SFRP1: variants seen among roughly 807,000 people sequenced by gnomAD.
The protein encoded by SFRP1 is secreted frizzled related protein 1.
SFRP1 carries 9 observed loss-of-function variants against 25.9 expected under a neutral mutation model. The ratio of observed to expected loss-of-function variants is 0.35; its 90% CI spans 0.21 to 0.61. The LOEUF (loss-of-function observed/expected upper bound fraction) is 0.61. Ranked by LOEUF, SFRP1 falls within the 20% of genes least tolerant of loss-of-function variation. The pLI is 0.78. For synonymous variants in SFRP1, 178 were observed against 174.0 expected (o/e 1.02, Z -0.18); for missense variants, 346 against 418.2 (o/e 0.83, Z 1.51).
chr8:41,268,062 T>C (rs1216883186), intron 2 of SFRP1, among the ~76,000 whole-genome samples: 1 of 152,238 alleles, frequency 6.6e-6, no homozygotes, highest in East Asian at 1.9e-4. Flanking sequence ...TTATTAGAGA[T>C]GGGAGAAACT....
chr8:41,271,923 C>A (rs865775637), intron 2 of SFRP1, among the ~76,000 whole-genome samples: 1 of 152,028 alleles, frequency 6.6e-6, no homozygotes, highest in African/African-American at 2.4e-5. Flanking sequence ...TATGACTGCA[C>A]CCCTGCGCTC....
At chr8:41,297,105 C>T (rs1332048080) in intron 2 of SFRP1, among the ~76,000 whole-genome samples, 2 of 152,168 alleles carry the variant, frequency 1.3e-5, no homozygotes, top group African/African-American at 4.8e-5. Flanking sequence ...AGTGCAGCAG[C>T]GCAATCTCAG....
intron 2 of SFRP1, among the ~76,000 whole-genome samples, chr8:41,299,979 GGTGCCGCA>G (rs1803895197): frequency 6.6e-6 from 1 of 152,192 alleles, no homozygotes; most frequent in African/African-American, 2.4e-5. Flanking sequence ...GCAGCCTGCA[GGTGCCGCA>G]GTGACTGTGC....
chr8:41,276,639 CA>C (rs74557787), intron 2 of SFRP1, among the ~76,000 whole-genome samples: 1 of 151,852 alleles, frequency 6.6e-6, no homozygotes, highest in Non-Finnish European at 1.5e-5. Flanking sequence ...CACACAAGAA[CA>C]AAAAAAACTA....
intron 2 of SFRP1, among the ~76,000 whole-genome samples, chr8:41,265,834 G>A (rs1803428766): frequency 6.6e-6 from 1 of 152,090 alleles, no homozygotes; most frequent in South Asian, 2.1e-4. Flanking sequence ...GTGTACAGCT[G>A]AGGTGGAGAA....
chr8:41,269,785 A>G (rs1803480711), intron 2 of SFRP1, among the ~76,000 whole-genome samples: 2 of 152,192 alleles, frequency 1.3e-5, no homozygotes, highest in African/African-American at 4.8e-5. Flanking sequence ...TCTGTGGGGA[A>G]AGGTGGCATG....
intron 2 of SFRP1, among the ~76,000 whole-genome samples, chr8:41,271,957 C>A (rs553849776): frequency 6.6e-6 from 1 of 151,792 alleles, no homozygotes; most frequent in East Asian, 1.9e-4. Flanking sequence ...AGAGTGAGAC[C>A]CTGCCTCAAA....
chr8:41,278,763 T>G (rs1200254340), intron 2 of SFRP1, among the ~76,000 whole-genome samples: 1 of 152,154 alleles, frequency 6.6e-6, no homozygotes, highest in African/African-American at 2.4e-5. Context: ...CAAATAATAA[T>G]CAGCAGATCT....
At chr8:41,294,514 C>T (rs184574670) in intron 2 of SFRP1, among the ~76,000 whole-genome samples, 2 of 152,262 alleles carry the variant, frequency 1.3e-5, no homozygotes, top group East Asian at 3.9e-4. Context: ...GCTGGTTTCT[C>T]GTTTTCTCCC....
chr8:41,300,632 C>T (rs1803903558), intron 2 of SFRP1, among the ~76,000 whole-genome samples: 1 of 152,184 alleles, frequency 6.6e-6, no homozygotes, highest in African/African-American at 2.4e-5. Flanking sequence ...TAAACCAACC[C>T]AAAGGGAAGA....
chr8:41,267,950 T>C lies in SFRP1; in HGVS notation c.623-2461A>G, dbSNP rs75905109. 5.9e-4 allele frequency among the ~76,000 whole-genome samples: 90 copies of C among 152,350 alleles called. No homozygotes were observed. The East Asian group carries it at 0.016, about 27-fold the overall frequency. ...CTACATTTCAAAATGACTTCACTTA[T>C]GAAATGGCAAAAGAGTGCCTCCTGG... On this transcript the variant is annotated intron_variant, in intron 2 of 2. Coordinates refer to ENST00000220772, the MANE Select transcript of SFRP1 (RefSeq NM_003012.5).
At chr8:41,299,450 T>C (rs978040913) in intron 2 of SFRP1, among the ~76,000 whole-genome samples, 2 of 144,418 alleles carry the variant, frequency 1.4e-5, no homozygotes, top group Non-Finnish European at 3.0e-5. Context: ...TTCCTTGAAC[T>C]TAATACACAA....
chr8:41,299,089 C>T (rs1237819384), intron 2 of SFRP1, among the ~76,000 whole-genome samples: 2 of 152,148 alleles, frequency 1.3e-5, no homozygotes. Flanking sequence ...CTCTTCACCG[C>T]CTACCCCCCC....
chr8:41,271,136 G>A (rs1020607864), intron 2 of SFRP1: 2 of 154,106 alleles, frequency 1.3e-5, no homozygotes, highest in Non-Finnish European at 2.9e-5. Flanking sequence ...ATCAACCTAA[G>A]AATAGTTCAA....
At chr8:41,288,676 T>C (rs528304297) in intron 2 of SFRP1, among the ~76,000 whole-genome samples, 1 of 151,164 alleles carries the variant, frequency 6.6e-6, no homozygotes, top group African/African-American at 2.4e-5. Flanking sequence ...GAGAAAACTG[T>C]GGTTCCAAGC....
At chr8:41,286,344 C>T (rs1053245532) in intron 2 of SFRP1, among the ~76,000 whole-genome samples, 2 of 152,220 alleles carry the variant, frequency 1.3e-5, no homozygotes, top group African/African-American at 4.8e-5. Context: ...GGGGCGGTTC[C>T]CGCTCAACCT....
In SFRP1 at chr8:41,268,845, T is replaced by C. The variant is rs545795849; in HGVS notation, c.623-3356A>G. On this transcript the variant is annotated intron_variant, in intron 2 of 2. Transcript: ENST00000220772. ...AACTGATCACCACCACCCCATCCCA[T>C]CATGCTCACAGGGCCTGGGCCCCAG... Among the ~76,000 whole-genome samples the C allele has an allele frequency of 4.6e-5, 7 of 152,274 alleles. No individual in the cohort carries two copies. The South Asian group carries it at 1.4e-3, about 32-fold the overall frequency.
chr8:41,265,119 C>CCCCACCCCCCCCCCCCCCG lies in SFRP1; in HGVS notation c.*47_*48insCGGGGGGGGGGGGGGTGGG. 1 of 464,792 alleles carries CCCCACCCCCCCCCCCCCCG rather than the reference C, an allele frequency of 2.2e-6. No homozygotes were observed. Among genetic ancestry groups the CCCCACCCCCCCCCCCCCCG allele is most frequent in the Non-Finnish European group, 4.1e-6 (1 of 241,914 alleles). 28.8% of individuals were successfully genotyped at this position (464,792 alleles called of 1,614,324 possible). On this transcript the variant is annotated 3_prime_UTR_variant, in exon 3 of 3. Coordinates refer to ENST00000220772, the MANE Select transcript of SFRP1 (RefSeq NM_003012.5). ...CGGGTTCCCGGGGCACTGTCCCCCC[C>CCCCACCCCCCCCCCCCCCG]GCTCCCACCCCACCCGAGGCTCCCT... is the stretch of plus-strand genomic sequence containing the variant.
intron 2 of SFRP1, chr8:41,298,079 A>G (rs578131967): frequency 2.0e-5 from 3 of 152,212 alleles, no homozygotes; most frequent in Non-Finnish European, 4.4e-5. Context: ...TCCTTCAGTC[A>G]GTAACGTGAG....
Sources: allele counts gnomAD v4.1 joint callset (sites outside exome capture counted in the v4.1 genomes callset), GRCh38; gene constraint gnomAD v4.1.1; transcripts MANE v1.5; gene names NCBI Gene and HGNC (gene_info 2026-07-23, HGNC 2026-07-21).